ANO4: variants seen among roughly 807,000 people sequenced by gnomAD.
ANO4 encodes anoctamin-4.
A neutral mutation model predicts 141.9 loss-of-function variants in ANO4; 69 were observed. The ratio of observed to expected loss-of-function variants is 0.49; its 90% CI spans 0.40 to 0.59. The LOEUF (loss-of-function observed/expected upper bound fraction) is 0.59, where lower values mean the gene tolerates loss of function less well. Among genes scored for constraint, ANO4 ranks in the 20% least tolerant of loss-of-function variants. The pLI is 0.00. For synonymous variants in ANO4, 350 were observed against 394.3 expected (o/e 0.89, Z 1.33); for missense variants, 894 against 1,162.2 (o/e 0.77, Z 3.36).
chr12:100,878,925 A>G (rs1034815677), intron 1 of ANO4, among the ~76,000 whole-genome samples: 2 of 152,198 alleles, frequency 1.3e-5, no homozygotes, highest in Admixed American at 6.6e-5. Context: ...AAAGGTCTAT[A>G]TGGTACCTGA....
intron 3 of ANO4, among the ~76,000 whole-genome samples, chr12:100,783,288 C>T (rs2033764555): frequency 6.6e-6 from 1 of 152,152 alleles, no homozygotes; most frequent in Admixed American, 6.5e-5. Context: ...CATTTCTTCT[C>T]CTATTCCTAC....
chr12:101,019,365 CGT>C (rs143744024), intron 8 of ANO4, among the ~76,000 whole-genome samples: 9 of 151,436 alleles, frequency 5.9e-5, no homozygotes, highest in Non-Finnish European at 1.0e-4. Flanking sequence ...ACTGGAAAGC[CGT>C]GTGTGTGTGT....
chr12:100,845,134 CA>C (rs1311979797), intron 1 of ANO4, among the ~76,000 whole-genome samples: 1 of 151,966 alleles, frequency 6.6e-6, no homozygotes, highest in Non-Finnish European at 1.5e-5. Context: ...GTGCTGTAAG[CA>C]AAAGTGTTTT....
chr12:100,912,203 C>T (rs901989018), intron 2 of ANO4, among the ~76,000 whole-genome samples: 1 of 151,780 alleles, frequency 6.6e-6, no homozygotes, highest in Non-Finnish European at 1.5e-5. Context: ...CGAGACCAGC[C>T]TGGCCAACAT....
intron 15 of ANO4, among the ~76,000 whole-genome samples, chr12:101,080,298 T>A (rs1183952560): frequency 1.3e-5 from 2 of 152,170 alleles, no homozygotes; most frequent in East Asian, 3.9e-4. Flanking sequence ...CTTCACACTA[T>A]GCCTCCTCAA....
Position 100,891,201 on chromosome 12 carries a change from GTTTA to G in ANO4, c.-140-10441_-140-10438del, listed in dbSNP as rs751036236. Among the ~76,000 whole-genome samples the G allele has an allele frequency of 4.6e-5, 7 of 152,190 alleles. 1 individual carries two copies. The South Asian group carries it at 6.2e-4, about 13-fold the overall frequency. On this transcript the variant is annotated intron_variant, in intron 1 of 27. Transcript: ENST00000392977. ...TATTCCATTGTCTGAATGTATCACA[GTTTA>G]TTTGTCAGTTTACCTACTGAAGGAC...
intron 1 of ANO4, among the ~76,000 whole-genome samples, chr12:100,830,602 C>T (rs553396060): frequency 9.2e-5 from 14 of 152,084 alleles, no homozygotes; most frequent in East Asian, 3.9e-4. Context: ...TGAACTGCCC[C>T]GGGACTGCTT....
At chr12:100,770,461 A>G (rs1005417491) in intron 3 of ANO4, among the ~76,000 whole-genome samples, 11 of 152,258 alleles carry the variant, frequency 7.2e-5, no homozygotes, top group Admixed American at 6.5e-4. Context: ...ATCCTAAACC[A>G]TCCATAGCCT....
chr12:100,972,239 AAATTGGTACC>A (rs913251161), intron 6 of ANO4, among the ~76,000 whole-genome samples: 7 of 152,250 alleles, frequency 4.6e-5, no homozygotes, highest in African/African-American at 1.7e-4. Flanking sequence ...GAAATGAGGC[AAATTGGTACC>A]AACTCTACAG....
intron 14 of ANO4, among the ~76,000 whole-genome samples, chr12:101,052,482 TTC>T (rs2047915621): frequency 6.6e-6 from 1 of 152,244 alleles, no homozygotes; most frequent in East Asian, 1.9e-4. Context: ...TTTGTTTTTT[TTC>T]TCTCTCTCCC....
intron 22 of ANO4, among the ~76,000 whole-genome samples, chr12:101,105,753 G>A (rs2050413748): frequency 6.6e-6 from 1 of 152,170 alleles, no homozygotes; most frequent in Admixed American, 6.5e-5. Context: ...TTTTGAAAGA[G>A]AATTAAAATC....
At position 100,842,698 on chromosome 12, in the gene ANO4, C is replaced by T. The variant is rs2037338969; in HGVS notation, c.-141+47671C>T. On this transcript the variant is annotated intron_variant, in intron 1 of 27. Coordinates refer to ENST00000392977, the MANE Select transcript of ANO4 (RefSeq NM_001286615.2). The stretch of plus-strand genomic sequence containing the variant: ...GATTCAGTGTCTGGTGAGGGCTGTT[C>T]TCTGCTTCCAAAATGGTGCCTTGTT... Among the ~76,000 whole-genome samples, 6 of 152,016 alleles carry T rather than the reference C, an allele frequency of 3.9e-5. No individual in the cohort carries two copies. In the South Asian group the frequency reaches 1.2e-3, roughly 32 times the overall value.
At chr12:100,753,929 C>T (rs569233850) in intron 3 of ANO4, among the ~76,000 whole-genome samples, 3 of 152,292 alleles carry the variant, frequency 2.0e-5, no homozygotes, top group African/African-American at 7.2e-5. Context: ...CAACAAGCTG[C>T]GTCATCATCC....
At chr12:100,825,797 A>G (rs1004936449) in intron 1 of ANO4, among the ~76,000 whole-genome samples, 3 of 152,052 alleles carry the variant, frequency 2.0e-5, no homozygotes, top group Admixed American at 6.6e-5. Context: ...AGCTTTTACA[A>G]AGGGAATTAT....
chr12:100,719,494 A>T (rs186842401), intron 1 of ANO4, among the ~76,000 whole-genome samples: 1 of 152,312 alleles, frequency 6.6e-6, no homozygotes, highest in East Asian at 1.9e-4. Context: ...AATTCCTTGT[A>T]AAAAATGTCC....
chr12:100,951,637 A>G (rs951693828), intron 5 of ANO4, among the ~76,000 whole-genome samples: 5 of 152,218 alleles, frequency 3.3e-5, no homozygotes, highest in Non-Finnish European at 5.9e-5. Context: ...GAACGATGAG[A>G]ACACATGGAC....
intron 1 of ANO4, among the ~76,000 whole-genome samples, chr12:100,855,053 T>C (rs2038092966): frequency 6.6e-6 from 1 of 152,126 alleles, no homozygotes; most frequent in Admixed American, 6.6e-5. Context: ...AAAGTCTAAA[T>C]CTAAAGTCCA....
chr12:100,869,897 C>G (rs117589770), intron 1 of ANO4, among the ~76,000 whole-genome samples: 5 of 152,196 alleles, frequency 3.3e-5, no homozygotes, highest in African/African-American at 1.2e-4. Flanking sequence ...TGCATTTCAT[C>G]TCCTACCACT....
chr12:100,801,815 A>G (rs1314341737), intron 1 of ANO4, among the ~76,000 whole-genome samples: 1 of 152,106 alleles, frequency 6.6e-6, no homozygotes. Context: ...GGAGATGGGA[A>G]TGGTATCAGG....
Sources: allele counts gnomAD v4.1 joint callset (sites outside exome capture counted in the v4.1 genomes callset), GRCh38; gene constraint gnomAD v4.1.1; transcripts MANE v1.5; gene names NCBI Gene and HGNC (gene_info 2026-07-23, HGNC 2026-07-21).